The following SLCO6A1 variants were observed in gnomAD, a reference collection of about 807,000 sequenced individuals.
SLCO6A1 encodes solute carrier organic anion transporter family member 6A1.
Under a neutral mutation model 72.7 loss-of-function variants are expected in SLCO6A1, and 65 were observed. The ratio of observed to expected loss-of-function variants is 0.89; its 90% confidence interval spans 0.73 to 1.10. SLCO6A1 has a LOEUF of 1.10. SLCO6A1 is among the 50% of genes least tolerant of loss of function. The pLI, the probability that SLCO6A1 is intolerant of heterozygous loss-of-function variation, is 0.00. For missense variants in SLCO6A1, 874 were observed against 872.6 expected (o/e 1.00, Z -0.02); for synonymous variants, 314 against 298.2 (o/e 1.05, Z -0.55).
intron 7 of SLCO6A1, among the ~76,000 whole-genome samples, 154 bp from the exon 8 acceptor site, chr5:102,420,175 C>T (rs896546): frequency 0.65 from 98,462 of 152,070 alleles, 32,082 homozygotes; most frequent in African/African-American, 0.67. Context: ...AATAGCTTGA[C>T]GAACCCGAAC....
At chr5:102,419,227 C>CT (rs1239382779) in intron 8 of SLCO6A1, among the ~76,000 whole-genome samples, 1 of 152,148 alleles carries the variant, frequency 6.6e-6, no homozygotes, top group Non-Finnish European at 1.5e-5. Flanking sequence ...CTGTATTCAG[C>CT]TTTTCTAGTT....
At chr5:102,398,192 A>T (rs555920790) in intron 10 of SLCO6A1, among the ~76,000 whole-genome samples, 1 of 151,636 alleles carries the variant, frequency 6.6e-6, no homozygotes, top group Non-Finnish European at 1.5e-5. Context: ...CCTCTTATTT[A>T]TTTTTTTTCA....
At chr5:102,494,179 A>C (rs921318744) in intron 1 of SLCO6A1, among the ~76,000 whole-genome samples, 1 of 152,188 alleles carries the variant, frequency 6.6e-6, no homozygotes, top group Non-Finnish European at 1.5e-5. Context: ...TCAATGGATT[A>C]AAGGGCACTG....
Position 102,498,735 on chromosome 5 carries a change from C to A in SLCO6A1, c.110G>T (p.Gly37Val). 1 of 1,614,122 alleles carries A rather than the reference C, an allele frequency of 6.2e-7. No homozygotes were observed. Among genetic ancestry groups the A allele is most frequent in the Non-Finnish European group, 8.5e-7 (1 of 1,180,028 alleles). ...AQPAKDRRAK[G>V]TPKSSKPGKK... ...CCCGGGCTTCGAGGACTTCGGGGTT[C>A]CCTTGGCCCTCCTGTCCTTAGCAGG... is the stretch of plus-strand genomic sequence containing the variant. Residue 37 changes from glycine to valine, a missense_variant, in exon 1 of 14, where the codon GGA (glycine) becomes GTA (valine). By Grantham distance (109) the Gly-to-Val change is moderately radical (BLOSUM62 -3). Transcript: ENST00000506729.
intron 6 of SLCO6A1, among the ~76,000 whole-genome samples, chr5:102,457,679 C>T (rs10068677): frequency 0.67 from 101,290 of 151,938 alleles, 34,035 homozygotes; most frequent in African/African-American, 0.69. Flanking sequence ...TCAACCATTG[C>T]GGAAGTCAAT....
chr5:102,405,110 T>A (rs1747603785), intron 9 of SLCO6A1, among the ~76,000 whole-genome samples: 1 of 152,088 alleles, frequency 6.6e-6, no homozygotes, highest in Admixed American at 6.6e-5. Flanking sequence ...TTTTCTGACA[T>A]AATTTAAGTC....
At chr5:102,489,321 A>C (rs1752573593) in intron 1 of SLCO6A1, among the ~76,000 whole-genome samples, 1 of 152,208 alleles carries the variant, frequency 6.6e-6, no homozygotes, top group Admixed American at 6.5e-5. Flanking sequence ...GAAAACTCTA[A>C]AACAGAATCA....
intron 4 of SLCO6A1, among the ~76,000 whole-genome samples, chr5:102,473,778 T>C (rs892381527): frequency 5.3e-5 from 8 of 151,972 alleles, no homozygotes; most frequent in Non-Finnish European, 7.4e-5. Flanking sequence ...ACTAAATGAA[T>C]TTAGTAAAGT....
chr5:102,470,694 G>A (rs187242363), intron 4 of SLCO6A1, among the ~76,000 whole-genome samples: 1 of 151,928 alleles, frequency 6.6e-6, no homozygotes, highest in African/African-American at 2.4e-5. Flanking sequence ...CTAGGGATGG[G>A]GCTTCCTGAA....
intron 4 of SLCO6A1, among the ~76,000 whole-genome samples, chr5:102,475,355 C>T (rs1751840629): frequency 6.6e-6 from 1 of 152,018 alleles, no homozygotes; most frequent in Non-Finnish European, 1.5e-5. Context: ...AAGAAAAATA[C>T]TGCATGATTC....
intron 12 of SLCO6A1, among the ~76,000 whole-genome samples, chr5:102,387,579 C>G (rs1182395652): frequency 6.6e-6 from 1 of 152,062 alleles, no homozygotes; most frequent in Admixed American, 6.6e-5. Context: ...TTTTATTTTA[C>G]TCAGTTTCCA....
At chr5:102,372,671 C>A in intron 13 of SLCO6A1, among the ~76,000 whole-genome samples, 1 of 149,454 alleles carries the variant, frequency 6.7e-6, no homozygotes. Flanking sequence ...TCAATAAAAT[C>A]CAAGTGAAGG....
At chr5:102,442,628 T>A (rs1749898351) in intron 6 of SLCO6A1, among the ~76,000 whole-genome samples, 1 of 152,246 alleles carries the variant, frequency 6.6e-6, no homozygotes, top group East Asian at 1.9e-4. Flanking sequence ...GATTTCTGAA[T>A]CTGGAATGTG....
At chr5:102,479,726 C>T (rs1195991370) in intron 2 of SLCO6A1, among the ~76,000 whole-genome samples, 1 of 152,156 alleles carries the variant, frequency 6.6e-6, no homozygotes, top group African/African-American at 2.4e-5. Flanking sequence ...CTTCTTCCCA[C>T]TCCCTACATG....
At chr5:102,480,466 G>T (rs766534748) in intron 1 of SLCO6A1, 32 bp from the exon 2 acceptor site, 8 of 1,577,758 alleles carry the variant, frequency 5.1e-6, no homozygotes, top group Non-Finnish European at 2.6e-6. Context: ...AGAAAACAAC[G>T]ATATGCATTT....
At chr5:102,449,895 G>A (rs1319931139) in intron 6 of SLCO6A1, among the ~76,000 whole-genome samples, 3 of 152,082 alleles carry the variant, frequency 2.0e-5, no homozygotes, top group Non-Finnish European at 4.4e-5. Flanking sequence ...CAAACCACTG[G>A]TCTTCAAGCT....
At position 102,410,040 on chromosome 5, in the gene SLCO6A1, G is replaced by A. The variant is rs556585126; in HGVS notation, c.1626+2950C>T. 3.3e-5 allele frequency among the ~76,000 whole-genome samples: 5 copies of A among 152,286 alleles called. No homozygotes were observed. In the South Asian group the frequency reaches 1.0e-3, roughly 32 times the overall value. On this transcript the variant is annotated intron_variant, in intron 9 of 13. Coordinates refer to ENST00000506729, the MANE Select transcript of SLCO6A1 (RefSeq NM_173488.5). Reference sequence around the variant, plus strand: ...GAGGCTGGAAATCTCTGTGGCTAATGTGCCTTTGCCCAAGTTCTTATCCTG... The same window carrying A: ...GAGGCTGGAAATCTCTGTGGCTAATATGCCTTTGCCCAAGTTCTTATCCTG...
At chr5:102,413,319 A>AT (rs1182473074) in intron 8 of SLCO6A1, among the ~76,000 whole-genome samples, 176 bp from the exon 9 acceptor site, 2 of 152,170 alleles carry the variant, frequency 1.3e-5, no homozygotes, top group Admixed American at 1.3e-4. Context: ...AAATTTGAAG[A>AT]TTTTTGATAT....
intron 8 of SLCO6A1, among the ~76,000 whole-genome samples, chr5:102,418,187 T>C (rs1748396684): frequency 6.6e-6 from 1 of 152,010 alleles, no homozygotes; most frequent in Non-Finnish European, 1.5e-5. Context: ...CATTTATACA[T>C]AAAGTATATG....
Sources: gnomAD v4.1 joint callset for allele counts (sites outside exome capture counted in the v4.1 genomes callset) on GRCh38, gnomAD v4.1.1 for gene constraint, MANE v1.5 for transcripts, NCBI Gene and HGNC (gene_info 2026-07-23, HGNC 2026-07-21) for gene names.